EPS15L1: variants seen among roughly 807,000 people sequenced by gnomAD.
EPS15L1 encodes epidermal growth factor receptor pathway substrate 15 like 1.
A neutral mutation model predicts 117.1 loss-of-function variants in EPS15L1; 43 were observed. That is an observed-to-expected ratio of 0.37 (90% confidence interval 0.29 to 0.47). The LOEUF is 0.47. Among genes scored for constraint, EPS15L1 ranks in the 20% least tolerant of loss-of-function variants. The pLI is 0.99. For missense variants in EPS15L1, 981 were observed against 1,164.0 expected (o/e 0.84, Z 2.29); for synonymous variants, 459 against 470.5 (o/e 0.98, Z 0.32).
At chr19:16,373,718 T>C (rs1333267269) in intron 22 of EPS15L1, among the ~76,000 whole-genome samples, 1 of 152,190 alleles carries the variant, frequency 6.6e-6, no homozygotes, top group Non-Finnish European at 1.5e-5. Flanking sequence ...CTGATTCCCT[T>C]GACCAGAGAG....
At chr19:16,400,849 C>T in intron 16 of EPS15L1, 4 of 985,390 alleles carry the variant, frequency 4.1e-6, no homozygotes, top group African/African-American at 1.7e-5. Context: ...ACTGCCACTT[C>T]ACTGCCAACT....
At chr19:16,373,234 G>C (rs1404362521) in intron 22 of EPS15L1, among the ~76,000 whole-genome samples, 1 of 150,148 alleles carries the variant, frequency 6.7e-6, no homozygotes, top group Non-Finnish European at 1.5e-5. Context: ...AGGCTCACAG[G>C]GGGTCGCATT....
chr19:16,414,762 T>C (rs1240975757), intron 12 of EPS15L1, among the ~76,000 whole-genome samples: 1 of 151,006 alleles, frequency 6.6e-6, no homozygotes. Flanking sequence ...CAGGCTGGAC[T>C]GCAGTGGCAC....
chr19:16,434,560 C>A lies in EPS15L1; in HGVS notation c.373-70G>T. 6.5e-6 allele frequency: 10 copies of A among 1,534,652 alleles called. No individual in the cohort carries two copies. In the South Asian group the frequency reaches 1.2e-4, roughly 19 times the overall value. On this transcript the variant is annotated intron_variant, in intron 6 of 23. Coordinates refer to ENST00000455140, the MANE Select transcript of EPS15L1 (RefSeq NM_001258374.3). The stretch of plus-strand genomic sequence containing the variant: ...TGTGAATGTCCAGACCGAGCTCTGA[C>A]CGAAAGCCAAGTGAAAATGGCCACG...
chr19:16,438,559 G>A (rs923310761), intron 4 of EPS15L1, among the ~76,000 whole-genome samples: 2 of 152,112 alleles, frequency 1.3e-5, no homozygotes, highest in Non-Finnish European at 2.9e-5. Context: ...TTTAGAGATA[G>A]GGTCTCACTC....
intron 1 of EPS15L1, among the ~76,000 whole-genome samples, chr19:16,464,757 C>CTAACAA (rs2093285221): frequency 6.6e-6 from 1 of 152,042 alleles, no homozygotes. Flanking sequence ...AACACTAACA[C>CTAACAA]TAACACTAAC....
At chr19:16,461,319 AAAAGAAAG>A (rs887912045) in intron 1 of EPS15L1, among the ~76,000 whole-genome samples, 1 of 143,080 alleles carries the variant, frequency 7.0e-6, no homozygotes, top group Admixed American at 7.0e-5. Flanking sequence ...AAAAAAAAAA[AAAAGAAAG>A]AAAGAAAAGC....
chr19:16,452,096 G>A (rs1190515761), intron 1 of EPS15L1, among the ~76,000 whole-genome samples: 1 of 151,318 alleles, frequency 6.6e-6, no homozygotes, highest in East Asian at 2.0e-4. Flanking sequence ...CCAAGATCAC[G>A]CCACTGCACT....
chr19:16,402,303 C>T lies in EPS15L1; in HGVS notation c.1791+18G>A, dbSNP rs528523953. On this transcript the variant is annotated intron_variant, in intron 16 of 23. Coordinates refer to ENST00000455140, the MANE Select transcript of EPS15L1 (RefSeq NM_001258374.3). The stretch of plus-strand genomic sequence containing the variant: ...GGGACCAGAGCCCCATACTGTAATA[C>T]GTTTATTCAACCTTTACCATGGCTC... 29 of 1,598,034 alleles carry T rather than the reference C, an allele frequency of 1.8e-5. No individual in the cohort carries two copies. The Middle Eastern group carries it at 5.0e-4, about 28-fold the overall frequency.
chr19:16,371,651 C>G lies in EPS15L1; in HGVS notation c.2380+5471G>C, dbSNP rs1488662869. Among the ~76,000 whole-genome samples, 1 of 152,156 alleles carries G rather than the reference C, an allele frequency of 6.6e-6. No individual in the cohort carries two copies. Among genetic ancestry groups the G allele is most frequent in the African/African-American group, 2.4e-5 (1 of 41,444 alleles). On this transcript the variant is annotated intron_variant, in intron 22 of 23. Coordinates refer to ENST00000455140, the MANE Select transcript of EPS15L1 (RefSeq NM_001258374.3). The surrounding 1 kb of genome is among the most constrained non-coding windows in gnomAD (Gnocchi z 4.7). ...CGGGCGCTGCAGGCAGGAACCGCAA[C>G]GCAGGGCCGCGCTGGCAGGAAGTGG...
intron 19 of EPS15L1, among the ~76,000 whole-genome samples, chr19:16,387,379 A>T (rs2092431097): frequency 6.6e-6 from 1 of 152,150 alleles, no homozygotes; most frequent in Admixed American, 6.5e-5. Flanking sequence ...GGCCAAGGCA[A>T]GTGGATCACC....
At chr19:16,394,993 G>A (rs111751366) in intron 17 of EPS15L1, among the ~76,000 whole-genome samples, 9 of 152,132 alleles carry the variant, frequency 5.9e-5, no homozygotes, top group African/African-American at 1.9e-4. Context: ...GCTGAGGCGG[G>A]TGGATTACCT....
Position 16,455,284 on chromosome 19 carries a change from AT to A in EPS15L1, c.34-13066del, listed in dbSNP as rs952523584. Among the ~76,000 whole-genome samples, 217 of 148,364 alleles carry A rather than the reference AT, an allele frequency of 1.5e-3. 4 individuals are homozygous for A. The highest frequency in any genetic ancestry group is 7.9e-3 in the South Asian group (37 of 4,682). On this transcript the variant is annotated intron_variant, in intron 1 of 23. Coordinates refer to ENST00000455140, the MANE Select transcript of EPS15L1 (RefSeq NM_001258374.3). ...AGCCATGCACCACCATGTGTGGCTA[AT>A]TTTTTTTTTCTTTTTTTTGTAAAGA... is the stretch of plus-strand genomic sequence containing the variant.
chr19:16,470,431 T>C (rs1186758949), intron 1 of EPS15L1, among the ~76,000 whole-genome samples: 1 of 151,744 alleles, frequency 6.6e-6, no homozygotes, highest in East Asian at 1.9e-4. Context: ...GATCCACGCC[T>C]CCCAAACTGG....
At chr19:16,369,299 G>A (rs1381428341) in intron 22 of EPS15L1, among the ~76,000 whole-genome samples, 3 of 152,172 alleles carry the variant, frequency 2.0e-5, no homozygotes, top group Admixed American at 1.3e-4. Context: ...TCGCAGCGTT[G>A]AGATTTTCCA....
intron 11 of EPS15L1, 138 bp downstream of exon 11, chr19:16,417,810 C>A: frequency 7.5e-7 from 1 of 1,335,190 alleles, no homozygotes. Context: ...AGCCACCCTC[C>A]CGGGGGCCCC....
chr19:16,408,490 AAT>A (rs1448825169), intron 13 of EPS15L1, among the ~76,000 whole-genome samples: 1 of 144,874 alleles, frequency 6.9e-6, no homozygotes, highest in African/African-American at 2.6e-5. Context: ...ATTTTTACAA[AAT>A]TTTGTAAAAA....
chr19:16,442,449 A>AT (rs1421964317), intron 1 of EPS15L1, among the ~76,000 whole-genome samples: 1 of 152,166 alleles, frequency 6.6e-6, no homozygotes, highest in Non-Finnish European at 1.5e-5. Flanking sequence ...ATAAATCCTG[A>AT]TTCTAGGGCA....
intron 22 of EPS15L1, among the ~76,000 whole-genome samples, chr19:16,366,361 C>G (rs2092132885): frequency 6.6e-6 from 1 of 152,114 alleles, no homozygotes; most frequent in Non-Finnish European, 1.5e-5. Context: ...TTTTCTTCTT[C>G]TTTTCAATGA....
Sources: allele counts gnomAD v4.1 joint callset (sites outside exome capture counted in the v4.1 genomes callset), GRCh38; gene constraint gnomAD v4.1.1; non-coding constraint Gnocchi (gnomAD v3.1); transcripts MANE v1.5; gene names NCBI Gene and HGNC (gene_info 2026-07-23, HGNC 2026-07-21).